Variants in DNAJC7 observed in about 807,000 individuals in gnomAD.
DNAJC7 encodes DnaJ heat shock protein family (Hsp40) member C7.
In DNAJC7, 18 loss-of-function variants were observed where a neutral mutation model predicts 67.4. The ratio of observed to expected loss-of-function variants is 0.27; its 90% CI spans 0.18 to 0.40. DNAJC7 has a LOEUF of 0.40. Ranked by LOEUF, DNAJC7 falls within the 10% of genes least tolerant of loss-of-function variation. The probability of loss-of-function intolerance (pLI) is 1.00; values close to 1 mark genes in which losing one functional copy is unlikely to be tolerated. For missense variants in DNAJC7, 419 were observed against 613.8 expected, an observed-to-expected ratio of 0.68 and a Z score of 3.35; for synonymous variants, 220 against 207.8, an observed-to-expected ratio of 1.06 and a Z score of -0.50.
chr17:42,004,501 G>C (rs2051894305), intron 1 of DNAJC7, among the ~76,000 whole-genome samples: 1 of 152,174 alleles, frequency 6.6e-6, no homozygotes. Flanking sequence ...TTCACCAAGA[G>C]ATGCTGGGAA....
chr17:41,995,728 G>T (rs1169311753), intron 4 of DNAJC7, among the ~76,000 whole-genome samples: 1 of 152,230 alleles, frequency 6.6e-6, no homozygotes, highest in Non-Finnish European at 1.5e-5. Context: ...CTGTCATTAA[G>T]CGACACATAC....
At chr17:41,980,386 A>C (rs2051218147) in intron 12 of DNAJC7, among the ~76,000 whole-genome samples, 1 of 151,356 alleles carries the variant, frequency 6.6e-6, no homozygotes, top group African/African-American at 2.4e-5. Context: ...GACTGACTGA[A>C]TTAATTAATT....
At chr17:41,995,456 T>C (rs781899167) in intron 4 of DNAJC7, among the ~76,000 whole-genome samples, 1 of 152,246 alleles carries the variant, frequency 6.6e-6, no homozygotes, top group African/African-American at 2.4e-5. Context: ...TCATACACTC[T>C]GGTCAACAAT....
chr17:42,005,959 T>C (rs1196359850), intron 1 of DNAJC7, among the ~76,000 whole-genome samples: 3 of 150,766 alleles, frequency 2.0e-5, no homozygotes, highest in African/African-American at 7.3e-5. Context: ...TTTTTTTTAT[T>C]TTTTGAGACA....
At chr17:42,016,373 G>A (rs1429019151) in intron 1 of DNAJC7, 6 of 152,200 alleles carry the variant, frequency 3.9e-5, no homozygotes. Context: ...AAAGTATGTT[G>A]CAAAGAGACT....
At chr17:42,015,751 G>A (rs1216199514) in intron 1 of DNAJC7, 1 of 152,132 alleles carries the variant, frequency 6.6e-6, no homozygotes, top group Non-Finnish European at 1.5e-5. Context: ...CAACTGGTGA[G>A]GCTGAGGCAG....
chr17:41,996,873 G>A (rs2051673940), intron 3 of DNAJC7, among the ~76,000 whole-genome samples: 1 of 152,230 alleles, frequency 6.6e-6, no homozygotes, highest in South Asian at 2.1e-4. Flanking sequence ...CCCTCCAGGG[G>A]ACATTTAGCA....
chr17:42,015,414 C>G (rs1343389539), intron 1 of DNAJC7: 2 of 152,264 alleles, frequency 1.3e-5, no homozygotes, highest in Admixed American at 1.3e-4. Flanking sequence ...TTCATTTACT[C>G]CAATTTTATG....
intron 2 of DNAJC7, among the ~76,000 whole-genome samples, chr17:41,999,732 C>T (rs8079148): frequency 0.98 from 148,703 of 152,296 alleles, 72,626 homozygotes; most frequent in African/African-American, 0.99. Flanking sequence ...TTAGCCAGGC[C>T]GGTCTCAAAC....
At chr17:41,979,844 C>G (rs1297918637) in intron 12 of DNAJC7, among the ~76,000 whole-genome samples, 1 of 151,084 alleles carries the variant, frequency 6.6e-6, no homozygotes. Context: ...ACCTGTAGTC[C>G]CAGCTACTCG....
chr17:41,978,858 C>T (rs1454269197), intron 12 of DNAJC7, among the ~76,000 whole-genome samples: 11 of 151,572 alleles, frequency 7.3e-5, no homozygotes, highest in African/African-American at 2.4e-4. Flanking sequence ...CCAGCCTGGG[C>T]GACAGAGTGA....
intron 5 of DNAJC7, among the ~76,000 whole-genome samples, chr17:41,991,671 T>G (rs1555647806): frequency 6.6e-6 from 1 of 152,138 alleles, no homozygotes; most frequent in African/African-American, 2.4e-5. Flanking sequence ...TTTTCATACT[T>G]TCTAACTTTT....
chr17:41,997,364 G>T, intron 2 of DNAJC7, 125 bp from the exon 3 acceptor site: 1 of 1,223,382 alleles, frequency 8.2e-7, no homozygotes, highest in Non-Finnish European at 1.1e-6. Context: ...CAAGAGGGGA[G>T]ACCACTTGAG....
At chr17:41,993,093 A>C (rs1450642597) in intron 5 of DNAJC7, among the ~76,000 whole-genome samples, 2 of 152,220 alleles carry the variant, frequency 1.3e-5, no homozygotes. Flanking sequence ...TGCATAAGCT[A>C]ATCAGATATA....
intron 2 of DNAJC7, among the ~76,000 whole-genome samples, 151 bp from the exon 3 acceptor site, chr17:41,997,390 C>G (rs2051690390): frequency 6.6e-6 from 1 of 151,304 alleles, no homozygotes; most frequent in African/African-American, 2.4e-5. Flanking sequence ...GAGTTCAAGA[C>G]CAGCCTAGTC....
chr17:42,012,743 T>C (rs2052153057), intron 1 of DNAJC7, among the ~76,000 whole-genome samples: 2 of 152,234 alleles, frequency 1.3e-5, no homozygotes. Flanking sequence ...ATAATCTTCA[T>C]GCATAGAATC....
At chr17:41,984,255 GCCC>G (rs2051319474) in intron 9 of DNAJC7, 1 of 151,796 alleles carries the variant, frequency 6.6e-6, no homozygotes. Context: ...GGGGCCCTTG[GCCC>G]AAGATCGGAG....
At chr17:41,991,918 T>C (rs4378665) in intron 5 of DNAJC7, among the ~76,000 whole-genome samples, 137,633 of 152,268 alleles carry the variant, frequency 0.9, 62,322 homozygotes, top group East Asian at 1. Context: ...TCGCCTCAAG[T>C]GATCCTCCTG....
chr17:41,997,314 C>T (rs1483401233), intron 2 of DNAJC7, 75 bp from the exon 3 acceptor site: 109 of 1,529,822 alleles, frequency 7.1e-5, no homozygotes, highest in African/African-American at 1.2e-4. Flanking sequence ...GGGGGCTGGG[C>T]GCAGTGGCTC....
Sources: gnomAD v4.1 joint callset for allele counts (sites outside exome capture counted in the v4.1 genomes callset) on GRCh38, gnomAD v4.1.1 for gene constraint, MANE v1.5 for transcripts, NCBI Gene and HGNC (gene_info 2026-07-23, HGNC 2026-07-21) for gene names.